FAM241A: variants seen among roughly 807,000 people sequenced by gnomAD.
FAM241A encodes family with sequence similarity 241 member A.
Under a neutral mutation model 12.2 loss-of-function variants are expected in FAM241A, and 7 were observed. The observed-to-expected ratio is 0.58, with a 90% CI of 0.33 to 1.08. The LOEUF (loss-of-function observed/expected upper bound fraction) is 1.08. Ranked by LOEUF, FAM241A falls within the 50% of genes least tolerant of loss-of-function variation. FAM241A has a pLI of 0.04. For missense variants in FAM241A, 161 were observed against 169.7 expected, an observed-to-expected ratio of 0.95 and a Z score of 0.29; for synonymous variants, 74 against 68.2, an observed-to-expected ratio of 1.08 and a Z score of -0.42.
chr4:112,179,432 A>G (rs1490263809), intron 1 of FAM241A, among the ~76,000 whole-genome samples: 1 of 152,140 alleles, frequency 6.6e-6, no homozygotes, highest in Non-Finnish European at 1.5e-5. Context: ...GCTGGAAACC[A>G]TCATTCTCAG....
intron 1 of FAM241A, among the ~76,000 whole-genome samples, chr4:112,146,531 A>C (rs1723141823): frequency 6.6e-6 from 1 of 152,232 alleles, no homozygotes; most frequent in Non-Finnish European, 1.5e-5. Context: ...AATTTTCTAC[A>C]GCAAATACAG....
chr4:112,183,471 A>G (rs1216177072), intron 1 of FAM241A, among the ~76,000 whole-genome samples: 1 of 151,460 alleles, frequency 6.6e-6, no homozygotes, highest in Non-Finnish European at 1.5e-5. Context: ...GTGTTGCAAC[A>G]CCTCCTTCTT....
At chr4:112,156,206 A>G (rs990955675) in intron 1 of FAM241A, among the ~76,000 whole-genome samples, 7 of 152,180 alleles carry the variant, frequency 4.6e-5, no homozygotes, top group African/African-American at 1.7e-4. Context: ...AGTCACGATC[A>G]CTGCAGTAGC....
At chr4:112,148,083 A>C (rs969140715) in intron 1 of FAM241A, among the ~76,000 whole-genome samples, 1 of 152,074 alleles carries the variant, frequency 6.6e-6, no homozygotes, top group African/African-American at 2.4e-5. Context: ...TGATTTTGTC[A>C]ACACCTAATT....
At chr4:112,185,318 G>A (rs1256677378) in intron 1 of FAM241A, among the ~76,000 whole-genome samples, 1 of 152,042 alleles carries the variant, frequency 6.6e-6, no homozygotes, top group Non-Finnish European at 1.5e-5. Context: ...TGTTAACTGG[G>A]TATTGGAAAA....
At chr4:112,179,550 G>A (rs1723886879) in intron 1 of FAM241A, among the ~76,000 whole-genome samples, 1 of 151,918 alleles carries the variant, frequency 6.6e-6, no homozygotes, top group African/African-American at 2.4e-5. Flanking sequence ...ACACACAGGG[G>A]CCTGTAGTGG....
intron 1 of FAM241A, among the ~76,000 whole-genome samples, chr4:112,170,535 A>G (rs1356836674): frequency 1.3e-5 from 2 of 152,170 alleles, no homozygotes; most frequent in Non-Finnish European, 2.9e-5. Flanking sequence ...TCGATCTGAT[A>G]ATTGAGGTGA....
intron 1 of FAM241A, among the ~76,000 whole-genome samples, chr4:112,161,663 A>G (rs895900937): frequency 2.6e-5 from 4 of 152,206 alleles, no homozygotes; most frequent in African/African-American, 4.8e-5. Context: ...TTGAGGCAAT[A>G]TTAATAGCCT....
chr4:112,166,968 G>T (rs913461535), intron 1 of FAM241A, among the ~76,000 whole-genome samples: 1 of 104,790 alleles, frequency 9.5e-6, no homozygotes, highest in African/African-American at 4.2e-5. Context: ...CAAAAAATTA[G>T]CCGGGCGTAG....
chr4:112,145,623 G>A lies in FAM241A; in HGVS notation c.43G>A (p.Glu15Lys). 7 of 1,229,888 alleles carry A rather than the reference G, an allele frequency of 5.7e-6. No homozygotes were observed. Among genetic ancestry groups the A allele is most frequent in the South Asian group, 4.0e-5 (1 of 25,006 alleles). The allele number at this position is 1,229,888 out of a possible 1,614,324, so 76.2% of individuals were successfully genotyped here. Residue 15 changes from glutamate (E) to lysine (K), a missense_variant, in exon 1 of 2, where the codon GAA becomes AAA. Glu to Lys is a moderately conservative substitution (Grantham distance 56, BLOSUM62 1). Coordinates refer to ENST00000309733, the MANE Select transcript of FAM241A (RefSeq NM_152400.3). ...GCTGCTGCGGGGCGGCGACGGCGGG[G>A]AACGCGACGAGGACGGGGACGCGCT... ...GELLRGGDGG[E>K]RDEDGDALAE...
chr4:112,165,991 C>A (rs1445832902), intron 1 of FAM241A, among the ~76,000 whole-genome samples: 3 of 151,856 alleles, frequency 2.0e-5, no homozygotes, highest in Non-Finnish European at 4.4e-5. Context: ...ACATTGTATA[C>A]CTGTATCAAA....
chr4:112,146,795 A>C lies in FAM241A; in HGVS notation c.153+1062A>C, dbSNP rs76939273. 4.9e-4 allele frequency among the ~76,000 whole-genome samples: 74 copies of C among 152,380 alleles called. No homozygotes were observed. The East Asian group carries it at 0.011, about 23-fold the overall frequency. On this transcript the variant is annotated intron_variant, in intron 1 of 1. Transcript: ENST00000309733. ...AGGAAACAGAGTAATACTGTGTGGC[A>C]CACAAAATATGCCTTAGCGTTAGGT...
intron 1 of FAM241A, among the ~76,000 whole-genome samples, chr4:112,172,502 T>G (rs1723744918): frequency 6.6e-6 from 1 of 152,228 alleles, no homozygotes. Context: ...AAAACATCAT[T>G]TAAATATTTG....
intron 1 of FAM241A, among the ~76,000 whole-genome samples, chr4:112,181,936 G>A (rs1354954831): frequency 1.3e-5 from 2 of 152,210 alleles, no homozygotes; most frequent in African/African-American, 4.8e-5. Flanking sequence ...CTACATTGTG[G>A]TATATAGATT....
intron 1 of FAM241A, 115 bp from the exon 2 acceptor site, chr4:112,186,578 A>T: frequency 2.1e-6 from 2 of 938,026 alleles, no homozygotes; most frequent in Non-Finnish European, 3.1e-6. Flanking sequence ...GTACTTGTAG[A>T]ATAATTATCA....
chr4:112,174,295 C>CT (rs1237023135), intron 1 of FAM241A, among the ~76,000 whole-genome samples: 1 of 152,194 alleles, frequency 6.6e-6, no homozygotes, highest in East Asian at 1.9e-4. Context: ...CCTCAAGTGT[C>CT]TAATTTTACA....
At chr4:112,150,989 AGCCTCT>A (rs1723236157) in intron 1 of FAM241A, among the ~76,000 whole-genome samples, 1 of 152,232 alleles carries the variant, frequency 6.6e-6, no homozygotes, top group African/African-American at 2.4e-5. Context: ...TAAGTTTTCC[AGCCTCT>A]GCAATTAGAA....
chr4:112,172,805 A>G (rs553061890), intron 1 of FAM241A, among the ~76,000 whole-genome samples: 8 of 152,228 alleles, frequency 5.3e-5, no homozygotes, highest in Non-Finnish European at 1.2e-4. Context: ...TATGCTGAAT[A>G]TAAATGACAA....
At chr4:112,180,469 G>A (rs958891369) in intron 1 of FAM241A, among the ~76,000 whole-genome samples, 12 of 152,036 alleles carry the variant, frequency 7.9e-5, no homozygotes, top group Non-Finnish European at 1.5e-4. Context: ...ATATTTCTCT[G>A]TGTTTGTTAA....
Sources: gnomAD v4.1 joint callset for allele counts (sites outside exome capture counted in the v4.1 genomes callset) on GRCh38, gnomAD v4.1.1 for gene constraint, MANE v1.5 for transcripts, NCBI Gene and HGNC (gene_info 2026-07-23, HGNC 2026-07-21) for gene names.